The following AKAIN1 variants were observed in gnomAD, a reference collection of about 807,000 sequenced individuals.
AKAIN1 encodes A-kinase anchor inhibitor 1, also known as A-kinase anchor protein inhibitor 1.
In AKAIN1, 3 loss-of-function variants were observed where a neutral mutation model predicts 3.7. The ratio of observed to expected loss-of-function variants is 0.82; its 90% CI spans 0.37 to 2.12. The LOEUF (loss-of-function observed/expected upper bound fraction) is 2.12, where lower values mean the gene tolerates loss of function less well. Ranked by LOEUF, AKAIN1 falls within the 30% of genes most tolerant of loss-of-function variation. AKAIN1 has a pLI of 0.06. For missense variants in AKAIN1, 82 were observed against 82.7 expected (o/e 0.99, Z 0.03); for synonymous variants, 31 against 30.8 (o/e 1.01, Z -0.02).
chr18:5,195,464 G>A (rs2071342349), intron 1 of AKAIN1, among the ~76,000 whole-genome samples: 1 of 152,176 alleles, frequency 6.6e-6, no homozygotes, highest in South Asian at 2.1e-4. Flanking sequence ...GGAATGGAAA[G>A]GATATGCTGA....
At chr18:5,147,217 A>C (rs746461321) in intron 1 of AKAIN1, among the ~76,000 whole-genome samples, 2 of 152,236 alleles carry the variant, frequency 1.3e-5, no homozygotes, top group Non-Finnish European at 2.9e-5. Context: ...GAAAAGAAGG[A>C]GCTTGGTATC....
At chr18:5,164,125 G>A (rs867894975) in intron 1 of AKAIN1, among the ~76,000 whole-genome samples, 2 of 152,030 alleles carry the variant, frequency 1.3e-5, no homozygotes, top group Middle Eastern at 3.4e-3. Flanking sequence ...TCTAGAGCAA[G>A]GTGAAAAAGT....
rs150881022 is a variant in AKAIN1, at chr18:5,143,264, T to C, written c.*2298A>G. 5.3e-5 allele frequency among the ~76,000 whole-genome samples: 8 copies of C among 152,346 alleles called. No homozygotes were observed. The East Asian group carries it at 1.5e-3, about 29-fold the overall frequency. ...AGTTTATAGGTCTTTAACTCGTTTG[T>C]TTTTATGACTGAGCTTTCTTAGAAT... On this transcript the variant is annotated 3_prime_UTR_variant, in exon 2 of 2. Coordinates refer to ENST00000434239, the MANE Select transcript of AKAIN1 (RefSeq NM_001145194.2).
chr18:5,155,453 A>G (rs1212369168), intron 1 of AKAIN1, among the ~76,000 whole-genome samples: 2 of 152,180 alleles, frequency 1.3e-5, no homozygotes, highest in East Asian at 3.9e-4. Flanking sequence ...TGGCCTGCTC[A>G]GCCAGAATTC....
At chr18:5,164,232 C>T (rs757524652) in intron 1 of AKAIN1, among the ~76,000 whole-genome samples, 1 of 151,974 alleles carries the variant, frequency 6.6e-6, no homozygotes, top group Non-Finnish European at 1.5e-5. Context: ...TAAATTGATA[C>T]AAAGATGGAA....
chr18:5,160,160 G>C (rs547201497), intron 1 of AKAIN1, among the ~76,000 whole-genome samples: 4 of 152,124 alleles, frequency 2.6e-5, no homozygotes, highest in Admixed American at 2.6e-4. Context: ...AATTCGCTAA[G>C]TATTGCCAAC....
chr18:5,182,820 A>C (rs1454732528), intron 1 of AKAIN1, among the ~76,000 whole-genome samples: 3 of 152,122 alleles, frequency 2.0e-5, no homozygotes, highest in Non-Finnish European at 4.4e-5. Context: ...TCCATCCCTG[A>C]CAGCAGCATC....
intron 1 of AKAIN1, among the ~76,000 whole-genome samples, chr18:5,149,287 C>G (rs2071066741): frequency 6.6e-6 from 1 of 152,164 alleles, no homozygotes; most frequent in Non-Finnish European, 1.5e-5. Context: ...ACAGATAATA[C>G]ATGCCAAATA....
At chr18:5,159,644 A>G (rs1381089903) in intron 1 of AKAIN1, among the ~76,000 whole-genome samples, 1 of 152,178 alleles carries the variant, frequency 6.6e-6, no homozygotes, top group Non-Finnish European at 1.5e-5. Flanking sequence ...TTTTTGCCTT[A>G]TTTAGTGAAA....
At chr18:5,154,922 A>G (rs62082384) in intron 1 of AKAIN1, among the ~76,000 whole-genome samples, 28,530 of 152,172 alleles carry the variant, frequency 0.19, 3,040 homozygotes, top group African/African-American at 0.3. Context: ...ACTAGCTGGG[A>G]CTACAGGCGC....
intron 1 of AKAIN1, among the ~76,000 whole-genome samples, chr18:5,146,067 A>T (rs2071047658): frequency 6.6e-6 from 1 of 152,228 alleles, no homozygotes; most frequent in Non-Finnish European, 1.5e-5. Flanking sequence ...TAATGTAAAT[A>T]GTTGTTATAC....
At chr18:5,173,918 G>A (rs941628063) in intron 1 of AKAIN1, among the ~76,000 whole-genome samples, 2 of 152,008 alleles carry the variant, frequency 1.3e-5, no homozygotes, top group African/African-American at 4.8e-5. Context: ...TTAACTCTGG[G>A]CAGGCTGGGA....
chr18:5,169,641 T>G (rs2071186318), intron 1 of AKAIN1, among the ~76,000 whole-genome samples: 1 of 152,182 alleles, frequency 6.6e-6, no homozygotes, highest in Non-Finnish European at 1.5e-5. Context: ...GCAACTAATG[T>G]GGCAGCCTCA....
intron 1 of AKAIN1, among the ~76,000 whole-genome samples, chr18:5,169,588 C>T (rs1457587247): frequency 6.6e-6 from 1 of 152,194 alleles, no homozygotes; most frequent in Non-Finnish European, 1.5e-5. Flanking sequence ...GCCTGGACCA[C>T]GTAGTCCAGT....
intron 1 of AKAIN1, among the ~76,000 whole-genome samples, chr18:5,147,020 G>A (rs1376818931): frequency 6.6e-6 from 1 of 152,178 alleles, no homozygotes; most frequent in African/African-American, 2.4e-5. Flanking sequence ...GCATAGCTAA[G>A]TTCTGTGGTA....
intron 1 of AKAIN1, among the ~76,000 whole-genome samples, chr18:5,166,857 CT>C (rs1240651997): frequency 1.3e-5 from 2 of 152,078 alleles, no homozygotes; most frequent in African/African-American, 4.8e-5. Flanking sequence ...GTTGTAGACA[CT>C]TTTTAAACAT....
Position 5,162,896 on chromosome 18 carries a change from T to G in AKAIN1, c.17-17141A>C, listed in dbSNP as rs994814391. Among the ~76,000 whole-genome samples, 3 of 151,740 alleles carry G rather than the reference T, an allele frequency of 2.0e-5. No individual in the cohort carries two copies. In the South Asian group the frequency reaches 6.3e-4, roughly 32 times the overall value. ...GCCTCAGGCAGGTCATGGAGCTTCT[T>G]GTTGGTTTGTGACTCTCAAAATCTA... On this transcript the variant is annotated intron_variant, in intron 1 of 1. Coordinates refer to ENST00000434239, the MANE Select transcript of AKAIN1 (RefSeq NM_001145194.2).
intron 1 of AKAIN1, among the ~76,000 whole-genome samples, chr18:5,186,494 C>G (rs2071288142): frequency 6.6e-6 from 1 of 151,980 alleles, no homozygotes; most frequent in Admixed American, 6.6e-5. Context: ...GAAGACATAA[C>G]AATCTCAAGT....
chr18:5,176,622 T>C (rs1404579909), intron 1 of AKAIN1, among the ~76,000 whole-genome samples: 1 of 152,184 alleles, frequency 6.6e-6, no homozygotes, highest in Admixed American at 6.5e-5. Flanking sequence ...CAATGTTTGG[T>C]GTTTTTCTGT....
Sources: allele counts gnomAD v4.1 joint callset (sites outside exome capture counted in the v4.1 genomes callset), GRCh38; gene constraint gnomAD v4.1.1; transcripts MANE v1.5; gene names NCBI Gene and HGNC (gene_info 2026-07-23, HGNC 2026-07-21).